Variants in ADARB2 observed in about 807,000 individuals in gnomAD.
The protein encoded by ADARB2 is adenosine deaminase RNA specific B2 (inactive).
In ADARB2, 25 loss-of-function variants were observed where a neutral mutation model predicts 62.2. The ratio of observed to expected loss-of-function variants is 0.40; its 90% CI spans 0.29 to 0.56. The LOEUF is 0.56. Among genes scored for constraint, ADARB2 ranks in the 20% least tolerant of loss-of-function variants. ADARB2 has a pLI of 0.43. For missense variants in ADARB2, 1,071 were observed against 1,077.4 expected (o/e 0.99, Z 0.08); for synonymous variants, 572 against 500.8 (o/e 1.14, Z -1.90).
chr10:1,266,375 T>C (rs1831200692), intron 4 of ADARB2, among the ~76,000 whole-genome samples: 1 of 152,142 alleles, frequency 6.6e-6, no homozygotes, highest in Non-Finnish European at 1.5e-5. Flanking sequence ...CATCCTGCTC[T>C]CTGGGGAGAA....
chr10:1,705,206 C>T (rs1231375863), intron 1 of ADARB2, among the ~76,000 whole-genome samples: 1 of 152,232 alleles, frequency 6.6e-6, no homozygotes, highest in Non-Finnish European at 1.5e-5. Context: ...ACCACTTTGA[C>T]ACTTTGAGGA....
At chr10:1,336,364 C>T (rs1831974817) in intron 3 of ADARB2, among the ~76,000 whole-genome samples, 1 of 152,212 alleles carries the variant, frequency 6.6e-6, no homozygotes, top group Admixed American at 6.5e-5. Context: ...TTTGTTTCCT[C>T]AGTGTCTTAA....
intron 1 of ADARB2, among the ~76,000 whole-genome samples, chr10:1,484,040 C>T (rs1394160692): frequency 6.6e-6 from 1 of 152,132 alleles, no homozygotes; most frequent in African/African-American, 2.4e-5. Context: ...ATTTCTACAC[C>T]CTATACTTCT....
chr10:1,589,198 A>C (rs1002202737), intron 1 of ADARB2, among the ~76,000 whole-genome samples: 10 of 152,244 alleles, frequency 6.6e-5, no homozygotes, highest in African/African-American at 1.2e-4. Context: ...TTTGTGGCGA[A>C]CAGATGGTGG....
intron 1 of ADARB2, among the ~76,000 whole-genome samples, chr10:1,443,651 ATATCAG>A (rs1208856016): frequency 6.6e-6 from 1 of 152,086 alleles, no homozygotes; most frequent in Non-Finnish European, 1.5e-5. Context: ...TTTTTTTCAG[ATATCAG>A]TATGAGTTTA....
chr10:1,481,141 G>A (rs534736559), intron 1 of ADARB2, among the ~76,000 whole-genome samples: 1 of 152,164 alleles, frequency 6.6e-6, no homozygotes. Context: ...AGAGAACAGA[G>A]GGCTCAGAAA....
intron 3 of ADARB2, among the ~76,000 whole-genome samples, chr10:1,312,694 C>G (rs910618296): frequency 5.9e-5 from 9 of 152,182 alleles, no homozygotes; most frequent in Non-Finnish European, 1.3e-4. Flanking sequence ...AGGTGAGGCA[C>G]CTGCCCAACC....
chr10:1,514,271 G>A (rs1240818857), intron 1 of ADARB2, among the ~76,000 whole-genome samples: 1 of 149,506 alleles, frequency 6.7e-6, no homozygotes, highest in Non-Finnish European at 1.5e-5. Flanking sequence ...GAGGACTCCT[G>A]AATGTTCAGA....
intron 5 of ADARB2, among the ~76,000 whole-genome samples, chr10:1,235,005 C>T (rs1254962269): frequency 2.0e-5 from 3 of 152,120 alleles, no homozygotes; most frequent in African/African-American, 4.8e-5. Flanking sequence ...CCTTGGCCCC[C>T]CAAAGAGCTG....
At chr10:1,461,170 G>A (rs915178923) in intron 1 of ADARB2, among the ~76,000 whole-genome samples, 1 of 152,126 alleles carries the variant, frequency 6.6e-6, no homozygotes, top group Non-Finnish European at 1.5e-5. Flanking sequence ...GTGACACTTC[G>A]AACCTCCAGA....
intron 3 of ADARB2, among the ~76,000 whole-genome samples, chr10:1,354,940 G>A (rs1284545265): frequency 6.6e-6 from 1 of 152,208 alleles, no homozygotes; most frequent in Admixed American, 6.5e-5. Context: ...CTCCATGGAG[G>A]TACCCAAGGC....
chr10:1,294,313 T>G (rs1325163831), intron 3 of ADARB2, among the ~76,000 whole-genome samples: 1 of 152,126 alleles, frequency 6.6e-6, no homozygotes, highest in East Asian at 1.9e-4. Context: ...GAGCAGTGTG[T>G]GTGCAAGAAC....
chr10:1,527,692 T>A (rs945246294), intron 1 of ADARB2, among the ~76,000 whole-genome samples: 1 of 152,232 alleles, frequency 6.6e-6, no homozygotes, highest in Non-Finnish European at 1.5e-5. Context: ...TTTGGTTTGG[T>A]AAGACGGGGG....
chr10:1,446,742 G>C (rs78492247), intron 1 of ADARB2, among the ~76,000 whole-genome samples: 20,374 of 152,144 alleles, frequency 0.13, 1,880 homozygotes, highest in African/African-American at 0.26. Context: ...CAGTTAAAAC[G>C]TTCTTGTATG....
At chr10:1,447,533 AC>A (rs1444628638) in intron 1 of ADARB2, among the ~76,000 whole-genome samples, 1 of 151,760 alleles carries the variant, frequency 6.6e-6, no homozygotes, top group East Asian at 1.9e-4. Context: ...TTGAGTGAAG[AC>A]AGATCATATG....
Position 1,379,094 on chromosome 10 carries a change from G to C in ADARB2, c.167C>G (p.Thr56Arg). ...CTTACTGAGGGTGTCGTCATCCTCCGTGTTTGTGATGCCAGGACTCAGGTG... is the reference window on the plus strand; with the variant it reads ...CTTACTGAGGGTGTCGTCATCCTCCCTGTTTGTGATGCCAGGACTCAGGTG... ...FKHLSPGITN[T>R]EDDDTLSTSS... is the part of the protein sequence containing the mutation. Residue 56 changes from threonine to arginine, a missense_variant, in exon 2 of 10, where the codon ACG (threonine) becomes AGG (arginine). Physicochemically the swap from Thr to Arg is moderately conservative, Grantham distance 71. Transcript: ENST00000381312. The C allele has an allele frequency of 1.2e-6, 2 of 1,613,614 alleles. No homozygotes were observed. Among genetic ancestry groups the C allele is most frequent in the Non-Finnish European group, 1.7e-6 (2 of 1,179,612 alleles).
intron 1 of ADARB2, among the ~76,000 whole-genome samples, chr10:1,385,514 G>T (rs1832518228): frequency 6.6e-6 from 1 of 151,994 alleles, no homozygotes; most frequent in South Asian, 2.1e-4. Flanking sequence ...TTACTGGATG[G>T]GTTTCACATT....
intron 8 of ADARB2, among the ~76,000 whole-genome samples, chr10:1,198,883 G>A (rs1054945181): frequency 4.6e-5 from 7 of 152,254 alleles, no homozygotes; most frequent in Non-Finnish European, 1.0e-4. Flanking sequence ...AACCTGCTCC[G>A]TTGACGGTGG....
intron 1 of ADARB2, among the ~76,000 whole-genome samples, chr10:1,384,080 G>T (rs1394649861): frequency 6.6e-6 from 1 of 152,190 alleles, no homozygotes; most frequent in Non-Finnish European, 1.5e-5. Flanking sequence ...TTTAGGGTCT[G>T]GTTAATATTT....
Sources: allele counts gnomAD v4.1 joint callset (sites outside exome capture counted in the v4.1 genomes callset), GRCh38; gene constraint gnomAD v4.1.1; transcripts MANE v1.5; gene names NCBI Gene and HGNC (gene_info 2026-07-23, HGNC 2026-07-21).